The following TEX14 variants were observed in gnomAD, a reference collection of about 807,000 sequenced individuals.
TEX14 encodes inactive serine/threonine-protein kinase TEX14.
In TEX14, 168 loss-of-function variants were observed where a neutral mutation model predicts 178.6. That is an observed-to-expected ratio of 0.94 (90% CI 0.83 to 1.07). TEX14 has a LOEUF of 1.07. Among genes scored for constraint, TEX14 ranks in the 50% least tolerant of loss-of-function variants. The probability of loss-of-function intolerance (pLI) is 0.00; values close to 1 mark genes in which losing one functional copy is unlikely to be tolerated. For missense variants in TEX14, 1,730 were observed against 1,753.6 expected, an observed-to-expected ratio of 0.99 and a Z score of 0.24; for synonymous variants, 626 against 634.1, an observed-to-expected ratio of 0.99 and a Z score of 0.19.
At chr17:58,679,710 A>C (rs1271947315) in intron 1 of TEX14, 1 of 152,184 alleles carries the variant, frequency 6.6e-6, no homozygotes, top group African/African-American at 2.4e-5. Context: ...GCGCTGCCTG[A>C]GAGTTCACCC....
At chr17:58,558,678 T>C (rs1309898717) in intron 30 of TEX14, among the ~76,000 whole-genome samples, 2 of 152,138 alleles carry the variant, frequency 1.3e-5, no homozygotes, top group East Asian at 1.9e-4. Flanking sequence ...AGAACTTAAA[T>C]ATGGGAGAGC....
intron 1 of TEX14, among the ~76,000 whole-genome samples, chr17:58,656,993 G>C (rs1200946855): frequency 6.7e-6 from 1 of 149,220 alleles, no homozygotes; most frequent in Non-Finnish European, 1.5e-5. Flanking sequence ...AATGTTTTTA[G>C]AGGTGGGATC....
intron 23 of TEX14, 75 bp downstream of exon 23, chr17:58,573,106 C>T (rs1475132725): frequency 1.3e-5 from 21 of 1,573,722 alleles, no homozygotes; most frequent in Middle Eastern, 3.4e-4. Context: ...TCTGATACCA[C>T]GGCTTGGCTT....
chr17:58,667,303 G>A (rs922301532), intron 1 of TEX14, among the ~76,000 whole-genome samples: 1 of 152,166 alleles, frequency 6.6e-6, no homozygotes, highest in African/African-American at 2.4e-5. Context: ...CTTTCGATGA[G>A]CTTATGGCCT....
chr17:58,645,515 C>G (rs185042466), intron 2 of TEX14, among the ~76,000 whole-genome samples: 30 of 152,228 alleles, frequency 2.0e-4, no homozygotes, highest in African/African-American at 6.5e-4. Flanking sequence ...CCCGCCACCG[C>G]GCCCGACTAA....
chr17:58,635,159 A>C (rs2046406372), intron 2 of TEX14, among the ~76,000 whole-genome samples: 10 of 152,026 alleles, frequency 6.6e-5, no homozygotes. Context: ...AAAAGGAAAA[A>C]ATGCTGATAT....
At position 58,565,739 on chromosome 17, in the gene TEX14, T is replaced by A. The variant is rs772269022; in HGVS notation, c.3964+8A>T. 2 of 1,599,940 alleles carry A rather than the reference T, an allele frequency of 1.3e-6. No individual in the cohort carries two copies. The highest frequency in any genetic ancestry group is 3.4e-5 in the Admixed American group (2 of 59,122). The stretch of plus-strand genomic sequence containing the variant: ...ACCTGATGAAAACAATCTAGGTAGT[T>A]CACTTACCATTTGCAGTGCCTCCTC... On this transcript the variant is annotated splice_region_variant and intron_variant, in intron 27 of 31. Coordinates refer to ENST00000349033, the MANE Select transcript of TEX14 (RefSeq NM_031272.5).
chr17:58,679,076 C>T (rs1284503579), intron 1 of TEX14, among the ~76,000 whole-genome samples: 1 of 151,936 alleles, frequency 6.6e-6, no homozygotes, highest in Non-Finnish European at 1.5e-5. Context: ...ATCCCTTGAA[C>T]CCTTGAGGCT....
At chr17:58,613,327 T>C (rs2045791674) in intron 9 of TEX14, 94 bp downstream of exon 9, 4 of 1,477,808 alleles carry the variant, frequency 2.7e-6, no homozygotes, top group African/African-American at 2.8e-5. Context: ...CTTCCATGCA[T>C]GCAGAAATGG....
chr17:58,651,088 C>T (rs1203084212), intron 2 of TEX14, among the ~76,000 whole-genome samples: 2 of 152,062 alleles, frequency 1.3e-5, no homozygotes, highest in Admixed American at 6.6e-5. Context: ...AGCAACATGG[C>T]GAAAGCATCT....
At chr17:58,568,600 C>A (rs1274106637) in intron 26 of TEX14, among the ~76,000 whole-genome samples, 1 of 152,164 alleles carries the variant, frequency 6.6e-6, no homozygotes, top group Non-Finnish European at 1.5e-5. Flanking sequence ...CCCCAGTTTC[C>A]ATAACAATGT....
chr17:58,571,319 T>G (rs190845564), intron 24 of TEX14, among the ~76,000 whole-genome samples: 19 of 143,004 alleles, frequency 1.3e-4, no homozygotes, highest in African/African-American at 4.7e-4. Context: ...CACTGCAACC[T>G]CGACCTCCTG....
At chr17:58,665,544 C>T (rs1038521705) in intron 1 of TEX14, among the ~76,000 whole-genome samples, 1 of 151,704 alleles carries the variant, frequency 6.6e-6, no homozygotes, top group Admixed American at 6.6e-5. Context: ...TGCAGTGAGC[C>T]GAGATCGCGC....
intron 28 of TEX14, among the ~76,000 whole-genome samples, chr17:58,563,658 T>TATAGAGAG (rs1351647352): frequency 1.7e-4 from 3 of 17,486 alleles, no homozygotes; most frequent in Non-Finnish European, 2.6e-4. Context: ...TATATATATA[T>TATAGAGAG]AGAGAGAGAG....
chr17:58,578,381 C>T (rs1263764401), intron 20 of TEX14, among the ~76,000 whole-genome samples: 3 of 151,724 alleles, frequency 2.0e-5, no homozygotes, highest in Non-Finnish European at 4.4e-5. Flanking sequence ...AAAGTAGGGC[C>T]CTGGGGTGAA....
rs2045737146 is a variant in TEX14 at position 58,611,211 on chromosome 17, G to T, written c.1134C>A (p.Ile378=). 5 of 1,613,872 alleles carry T rather than the reference G, an allele frequency of 3.1e-6. No individual in the cohort carries two copies. Among genetic ancestry groups the T allele is most frequent in the South Asian group, 2.2e-5 (2 of 91,072 alleles). The part of the protein sequence containing the change: ...HRSLSSYAVH[I]ISPGEARLTN... Reference sequence around the variant, plus strand: ...TCAGCCTCGCTTCACCTGGGGAGATGATATGGACAGCATAGGAGCTGAGGG... The same window carrying T: ...TCAGCCTCGCTTCACCTGGGGAGATTATATGGACAGCATAGGAGCTGAGGG... Residue 378 remains isoleucine (I), a synonymous_variant, in exon 10 of 32, where the codon ATC becomes ATA. Transcript: ENST00000349033.
intron 15 of TEX14, among the ~76,000 whole-genome samples, chr17:58,591,346 C>T (rs1249814876): frequency 6.6e-6 from 1 of 151,950 alleles, no homozygotes; most frequent in African/African-American, 2.4e-5. Flanking sequence ...GGAGAAACTC[C>T]ATCTCTACTA....
At chr17:58,617,718 T>C in intron 5 of TEX14, 99 bp from the exon 6 acceptor site, 1 of 766,286 alleles carries the variant, frequency 1.3e-6, no homozygotes, top group South Asian at 1.8e-5. Context: ...GTTGACTTTG[T>C]CTTTACTGCT....
intron 24 of TEX14, 145 bp downstream of exon 24, chr17:58,571,776 T>C (rs995077447): frequency 3.0e-6 from 2 of 659,990 alleles, no homozygotes; most frequent in Non-Finnish European, 5.2e-6. Context: ...TAATATAGAC[T>C]CAAGAGAGGA....
Sources: allele counts gnomAD v4.1 joint callset (sites outside exome capture counted in the v4.1 genomes callset), GRCh38; gene constraint gnomAD v4.1.1; transcripts MANE v1.5; gene names NCBI Gene and HGNC (gene_info 2026-07-23, HGNC 2026-07-21).